DCAF6: variants seen among roughly 807,000 people sequenced by gnomAD.
DCAF6 encodes DDB1 and CUL4 associated factor 6, also known as DDB1- and CUL4-associated factor 6.
In DCAF6, 54 loss-of-function variants were observed where a neutral mutation model predicts 125.1. The ratio of observed to expected loss-of-function variants is 0.43; its 90% CI spans 0.35 to 0.54. The LOEUF is 0.54. Ranked by LOEUF, DCAF6 falls within the 20% of genes least tolerant of loss-of-function variation. The pLI is 0.01. For missense variants in DCAF6, 934 were observed against 1,161.7 expected (o/e 0.80, Z 2.85); for synonymous variants, 371 against 390.4 (o/e 0.95, Z 0.58).
At chr1:168,007,962 C>CTT (rs35185748) in intron 10 of DCAF6, among the ~76,000 whole-genome samples, 1,397 of 67,470 alleles carry the variant, frequency 0.021, 239 homozygotes, top group African/African-American at 0.045. Context: ...TGTTGTACAT[C>CTT]TTTTTTTTTT....
the DCAF6 span, among the ~76,000 whole-genome samples, chr1:167,874,258 G>A: frequency 3.9e-5 from 6 of 152,184 alleles, no homozygotes; most frequent in African/African-American, 1.4e-4. Context: ...TTGAACCCAG[G>A]AGGTAGAGGT....
intron 2 of DCAF6, among the ~76,000 whole-genome samples, chr1:167,963,706 G>A (rs181886279): frequency 6.6e-6 from 1 of 152,174 alleles, no homozygotes; most frequent in East Asian, 1.9e-4. Context: ...TGGGATTACA[G>A]GTGTGAGTCA....
chr1:168,012,618 C>T (rs542374775), intron 10 of DCAF6, among the ~76,000 whole-genome samples: 1 of 152,244 alleles, frequency 6.6e-6, no homozygotes, highest in South Asian at 2.1e-4. Flanking sequence ...AAATTTCAAG[C>T]TGCTAGCAGA....
intron 10 of DCAF6, among the ~76,000 whole-genome samples, chr1:168,009,816 G>A (rs927796833): frequency 1.7e-5 from 2 of 120,098 alleles, no homozygotes; most frequent in Admixed American, 1.6e-4. Context: ...TGTTTATTTT[G>A]TGAAAAGCAA....
chr1:167,944,859 C>T (rs1248258926), intron 1 of DCAF6, among the ~76,000 whole-genome samples: 1 of 152,160 alleles, frequency 6.6e-6, no homozygotes, highest in African/African-American at 2.4e-5. Flanking sequence ...TTGGGTCTTA[C>T]ACTTAAGTCT....
chr1:168,069,263 A>G (rs1692741537), intron 21 of DCAF6, among the ~76,000 whole-genome samples: 2 of 152,184 alleles, frequency 1.3e-5, no homozygotes, highest in African/African-American at 2.4e-5. Flanking sequence ...CCTTTGACCT[A>G]TAAATTTCAC....
intron 2 of DCAF6, among the ~76,000 whole-genome samples, chr1:167,963,879 A>G (rs1571694375): frequency 6.6e-6 from 1 of 152,332 alleles, no homozygotes; most frequent in Admixed American, 6.5e-5. Context: ...TTTATTTCAA[A>G]TAACACTATA....
At chr1:167,933,474 C>T (rs1253977552), upstream of DCAF6, among the ~76,000 whole-genome samples, 1 of 152,164 alleles carries the variant, frequency 6.6e-6, no homozygotes, top group Non-Finnish European at 1.5e-5. Flanking sequence ...GCTAAAAACA[C>T]ATTCTTGTTA....
the DCAF6 span, chr1:167,920,582 A>C: frequency 6.2e-7 from 1 of 1,613,942 alleles, no homozygotes. Context: ...AGCTGTGCTA[A>C]GTTTTTCTGC....
intron 2 of DCAF6, among the ~76,000 whole-genome samples, chr1:167,964,032 A>G (rs558802020): frequency 1.2e-4 from 19 of 152,352 alleles, no homozygotes; most frequent in African/African-American, 4.1e-4. Context: ...ATAGATGATC[A>G]AATACATTGT....
chr1:168,009,441 T>C (rs373634061), intron 10 of DCAF6, among the ~76,000 whole-genome samples: 2 of 100,748 alleles, frequency 2.0e-5, no homozygotes, highest in African/African-American at 9.0e-5. Flanking sequence ...TCTCTCTCTT[T>C]CTTTCTTTCT....
chr1:167,876,648 A>C, the DCAF6 span, among the ~76,000 whole-genome samples: 1,477 of 152,356 alleles, frequency 9.7e-3, 9 homozygotes, highest in Non-Finnish European at 0.016. Flanking sequence ...GAGGTGGTAC[A>C]GAAAAATCAT....
chr1:167,892,826 G>C, the DCAF6 span, among the ~76,000 whole-genome samples: 10 of 152,178 alleles, frequency 6.6e-5, no homozygotes, highest in Non-Finnish European at 1.3e-4. Flanking sequence ...CATATATTAG[G>C]AGGGTGGATA....
chr1:168,013,449 C>T (rs1384124332), intron 10 of DCAF6, among the ~76,000 whole-genome samples: 1 of 152,162 alleles, frequency 6.6e-6, no homozygotes, highest in Non-Finnish European at 1.5e-5. Context: ...TGTATAATTT[C>T]ATGCTAGTGT....
At chr1:167,990,937 A>G (rs1392814403) in intron 5 of DCAF6, among the ~76,000 whole-genome samples, 1 of 152,196 alleles carries the variant, frequency 6.6e-6, no homozygotes, top group Non-Finnish European at 1.5e-5. Flanking sequence ...ATGGCCAACT[A>G]TAAAGAAAAG....
At chr1:168,073,934 T>G (rs1164358666) in intron 21 of DCAF6, among the ~76,000 whole-genome samples, 1 of 149,500 alleles carries the variant, frequency 6.7e-6, no homozygotes. Context: ...TATTCAAATC[T>G]TATTTTGTTC....
the DCAF6 span, chr1:167,901,637 G>A: frequency 1.2e-6 from 2 of 1,612,430 alleles, no homozygotes; most frequent in Non-Finnish European, 1.7e-6. Flanking sequence ...GCTGCCGTAG[G>A]ATTTATTCCT....
chr1:167,950,021 A>T (rs1426296715), intron 1 of DCAF6, among the ~76,000 whole-genome samples: 1 of 152,226 alleles, frequency 6.6e-6, no homozygotes, highest in Non-Finnish European at 1.5e-5. Context: ...ACAATGTGTT[A>T]TGCCTCTATA....
chr1:168,008,370 T>A (rs545407965), intron 10 of DCAF6, among the ~76,000 whole-genome samples: 2 of 152,338 alleles, frequency 1.3e-5, no homozygotes, highest in South Asian at 2.1e-4. Context: ...ATTTGCTTAT[T>A]TGAATAACCT....
Sources: gnomAD v4.1 joint callset for allele counts (sites outside exome capture counted in the v4.1 genomes callset) on GRCh38, gnomAD v4.1.1 for gene constraint, MANE v1.5 for transcripts, NCBI Gene and HGNC (gene_info 2026-07-23, HGNC 2026-07-21) for gene names.